Variants in ZBTB8OS observed in about 807,000 individuals in gnomAD.
ZBTB8OS encodes tRNA-splicing ligase-activating factor archease.
Under a neutral mutation model 29.3 loss-of-function variants are expected in ZBTB8OS, and 16 were observed. The ratio of observed to expected loss-of-function variants is 0.55; its 90% CI spans 0.37 to 0.83. The LOEUF (loss-of-function observed/expected upper bound fraction) is 0.83, where lower values mean the gene tolerates loss of function less well. Among genes scored for constraint, ZBTB8OS ranks in the 40% least tolerant of loss-of-function variants. The probability of loss-of-function intolerance (pLI) is 0.00; values close to 1 mark genes in which losing one functional copy is unlikely to be tolerated. For synonymous variants in ZBTB8OS, 70 were observed against 64.6 expected (o/e 1.08, Z -0.40); for missense variants, 160 against 196.9 (o/e 0.81, Z 1.12).
chr1:32,634,702 C>G lies in ZBTB8OS; in HGVS notation c.122+66G>C, dbSNP rs191041879. 36 of 1,604,156 alleles carry G rather than the reference C, an allele frequency of 2.2e-5. 1 individual carries two copies. The East Asian group carries it at 8.0e-4, about 36-fold the overall frequency. ...GGAGAAAAATTAAAGATAGGGATACCAAGATTGAAACATTCAGTCTTCCTA... is the reference window on the plus strand; with the variant it reads ...GGAGAAAAATTAAAGATAGGGATACGAAGATTGAAACATTCAGTCTTCCTA... On this transcript the variant is annotated intron_variant, in intron 2 of 6. Transcript: ENST00000468695.
In ZBTB8OS at chr1:32,633,660, T is replaced by C; in HGVS notation, c.312A>G (p.Glu104=). The change falls in exon 4 of 7, where the codon GAA becomes GAG. Residue 104 remains glutamate, a synonymous_variant. Transcript: ENST00000468695. ...CTTTGCTTACCCGGGGTATGAAGAA[T>C]TCATCAGCACTGAACTTATAAAGCC... ...DEWLYKFSAD[E]FFIPREVKVL... is the part of the protein sequence containing the mutation. 3 of 1,604,850 alleles carry C rather than the reference T, an allele frequency of 1.9e-6. No individual in the cohort carries two copies. Among genetic ancestry groups the C allele is most frequent in the Non-Finnish European group, 2.5e-6 (3 of 1,177,792 alleles).
intron 1 of ZBTB8OS, among the ~76,000 whole-genome samples, chr1:32,639,795 T>G (rs61781246): frequency 6.6e-6 from 1 of 152,242 alleles, no homozygotes; most frequent in South Asian, 2.1e-4. Flanking sequence ...AAAAAAAATT[T>G]AGTGAAGACT....
chr1:32,630,512 C>A lies in ZBTB8OS; in HGVS notation c.380+1315G>T, dbSNP rs146911184. Among the ~76,000 whole-genome samples the A allele has an allele frequency of 7.6e-3, 1,159 of 151,922 alleles. 20 individuals are homozygous for A. The highest frequency in any genetic ancestry group is 0.027 in the African/African-American group (1,107 of 41,424). ...AAGCTGCAGTGAGCCATGATTACAC[C>A]ACTGCACTCCAGCCTGGGGGACAGG... is the stretch of plus-strand genomic sequence containing the variant. On this transcript the variant is annotated intron_variant, in intron 5 of 6. Coordinates refer to ENST00000468695, the MANE Select transcript of ZBTB8OS (RefSeq NM_178547.5).
At chr1:32,638,919 TA>T (rs543040967) in intron 1 of ZBTB8OS, among the ~76,000 whole-genome samples, 81 of 151,828 alleles carry the variant, frequency 5.3e-4, no homozygotes, top group Non-Finnish European at 1.0e-3. Context: ...ATCTAAAAAA[TA>T]ATAATAACAA....
chr1:32,622,004 A>G (rs1250603608), intron 6 of ZBTB8OS, 56 bp from the exon 7 acceptor site: 4 of 1,256,760 alleles, frequency 3.2e-6, no homozygotes, highest in Non-Finnish European at 4.4e-6. Context: ...TATTGAAATC[A>G]TAATCATTAA....
chr1:32,632,750 T>C (rs1211050428), intron 4 of ZBTB8OS, among the ~76,000 whole-genome samples: 2 of 152,226 alleles, frequency 1.3e-5, no homozygotes, highest in African/African-American at 4.8e-5. Flanking sequence ...GCAAGATATA[T>C]GGTAGAGAAC....
intron 2 of ZBTB8OS, chr1:32,634,504 C>A (rs1271295517): frequency 5.7e-6 from 3 of 528,388 alleles, no homozygotes; most frequent in African/African-American, 3.8e-5. Context: ...GGATTACAGG[C>A]GTTGAGCCAC....
intron 1 of ZBTB8OS, among the ~76,000 whole-genome samples, chr1:32,639,096 G>A (rs1284587638): frequency 2.0e-5 from 3 of 151,604 alleles, no homozygotes; most frequent in African/African-American, 4.8e-5. Context: ...TCAGGAATTC[G>A]AGACCAGCCT....
intron 6 of ZBTB8OS, among the ~76,000 whole-genome samples, chr1:32,625,279 C>T (rs1307524987): frequency 6.6e-6 from 1 of 150,526 alleles, no homozygotes; most frequent in Non-Finnish European, 1.5e-5. Context: ...CGCGATGGCT[C>T]ACGCCTCTTT....
intron 1 of ZBTB8OS, among the ~76,000 whole-genome samples, chr1:32,641,819 G>A (rs900609207): frequency 1.3e-5 from 2 of 151,832 alleles, no homozygotes; most frequent in Admixed American, 6.6e-5. Flanking sequence ...TACTCAGGAG[G>A]CTGAGGCGGG....
chr1:32,642,456 A>T (rs867014825), intron 1 of ZBTB8OS, among the ~76,000 whole-genome samples: 1 of 151,360 alleles, frequency 6.6e-6, no homozygotes, highest in Non-Finnish European at 1.5e-5. Flanking sequence ...GTGAGCCAAG[A>T]TGGTGCCACT....
At chr1:32,639,828 A>G (rs1415005704) in intron 1 of ZBTB8OS, 1 of 152,192 alleles carries the variant, frequency 6.6e-6, no homozygotes, top group Non-Finnish European at 1.5e-5. Context: ...CATTTTTTCA[A>G]ATATTTTAAA....
At chr1:32,625,517 G>A (rs1269320608) in intron 6 of ZBTB8OS, among the ~76,000 whole-genome samples, 5 of 151,754 alleles carry the variant, frequency 3.3e-5, no homozygotes, top group African/African-American at 1.2e-4. Flanking sequence ...CTGGGCAATA[G>A]CATGAGACTC....
chr1:32,630,695 G>C (rs1478615221), intron 5 of ZBTB8OS, among the ~76,000 whole-genome samples: 1 of 152,032 alleles, frequency 6.6e-6, no homozygotes, highest in Non-Finnish European at 1.5e-5. Flanking sequence ...GGGCAACATA[G>C]TGAATGAGAA....
chr1:32,623,359 A>G (rs1644877615), intron 6 of ZBTB8OS, among the ~76,000 whole-genome samples: 1 of 152,202 alleles, frequency 6.6e-6, no homozygotes, highest in Non-Finnish European at 1.5e-5. Flanking sequence ...AAAATCTTAC[A>G]ATTACCAATA....
intron 1 of ZBTB8OS, among the ~76,000 whole-genome samples, chr1:32,647,543 C>T (rs545648509): frequency 1.4e-4 from 22 of 152,220 alleles, no homozygotes; most frequent in African/African-American, 4.8e-4. Context: ...CACAGCAGGA[C>T]ATGAGCTCAC....
chr1:32,637,372 G>A (rs970401149), intron 1 of ZBTB8OS, among the ~76,000 whole-genome samples: 1 of 151,684 alleles, frequency 6.6e-6, no homozygotes, highest in African/African-American at 2.4e-5. Flanking sequence ...GACCAGCCTG[G>A]CCAGTATGAT....
At chr1:32,650,060 T>G (rs1183221664) in intron 1 of ZBTB8OS, among the ~76,000 whole-genome samples, 2 of 152,136 alleles carry the variant, frequency 1.3e-5, no homozygotes, top group African/African-American at 2.4e-5. Flanking sequence ...AATCCCCTAA[T>G]TAGCTTTCCG....
At chr1:32,633,890 A>C in intron 3 of ZBTB8OS, 61 bp downstream of exon 3, 3 of 1,519,382 alleles carry the variant, frequency 2.0e-6, no homozygotes, top group Non-Finnish European at 2.6e-6. Flanking sequence ...ATTATGTAGA[A>C]TACTGCACAA....
Sources: gnomAD v4.1 joint callset for allele counts (sites outside exome capture counted in the v4.1 genomes callset) on GRCh38, gnomAD v4.1.1 for gene constraint, MANE v1.5 for transcripts, NCBI Gene and HGNC (gene_info 2026-07-23, HGNC 2026-07-21) for gene names.